GPC5: variants seen among roughly 807,000 people sequenced by gnomAD.
GPC5 encodes glypican-5.
A neutral mutation model predicts 53.9 loss-of-function variants in GPC5; 47 were observed. The ratio of observed to expected loss-of-function variants is 0.87; its 90% CI spans 0.69 to 1.11. The LOEUF is 1.11. GPC5 is among the 50% of genes most tolerant of loss of function. GPC5 has a pLI of 0.00. For missense variants in GPC5, 748 were observed against 713.1 expected (o/e 1.05, Z -0.56); for synonymous variants, 286 against 263.3 (o/e 1.09, Z -0.84).
intron 2 of GPC5, among the ~76,000 whole-genome samples, chr13:91,496,277 G>C (rs1041083226): frequency 6.6e-6 from 1 of 152,082 alleles, no homozygotes; most frequent in Non-Finnish European, 1.5e-5. Flanking sequence ...CCATGGCTAG[G>C]TATATTCACA....
At chr13:92,277,798 G>A (rs138841657) in intron 7 of GPC5, among the ~76,000 whole-genome samples, 341 of 151,966 alleles carry the variant, frequency 2.2e-3, no homozygotes, top group African/African-American at 7.7e-3. Flanking sequence ...ATGTGAAAAA[G>A]TGTTAATTCA....
At chr13:92,549,430 G>A (rs7334188) in intron 7 of GPC5, among the ~76,000 whole-genome samples, 1,552 of 152,092 alleles carry the variant, frequency 0.01, 26 homozygotes, top group African/African-American at 0.036. Context: ...AAAACAAATT[G>A]GGGCCTACCT....
chr13:92,725,961 T>C (rs1888634224), intron 7 of GPC5, among the ~76,000 whole-genome samples: 1 of 151,638 alleles, frequency 6.6e-6, no homozygotes, highest in African/African-American at 2.4e-5. Context: ...TTTCCTGAAA[T>C]GACTGAACTG....
Position 91,657,541 on chromosome 13 carries a change from G to A in GPC5, c.326-35646G>A, listed in dbSNP as rs550278037. On this transcript the variant is annotated intron_variant, in intron 2 of 7. Coordinates refer to ENST00000377067, the MANE Select transcript of GPC5 (RefSeq NM_004466.6). ...CTGTTTAGGATCCTACAGTACACAC[G>A]ACAGCCCTCACAACAAAAAAATTAT... 1.1e-4 allele frequency among the ~76,000 whole-genome samples: 17 copies of A among 152,140 alleles called. No individual in the cohort carries two copies. In the South Asian group the frequency reaches 2.7e-3, roughly 24 times the overall value.
At position 92,132,257 on chromosome 13, in the gene GPC5, A is replaced by G. The variant is rs890547445; in HGVS notation, c.1402-12573A>G. On this transcript the variant is annotated intron_variant, in intron 6 of 7. Transcript: ENST00000377067. ...AGGTGCTCTTGTTTATGATGGTCAC[A>G]TGACTGAGACTATATTGAAAGATTG... 1.1e-4 allele frequency among the ~76,000 whole-genome samples: 16 copies of G among 152,320 alleles called. No homozygotes were observed. In the East Asian group the frequency reaches 1.2e-3, roughly 11 times the overall value.
At chr13:92,041,937 G>T (rs1454060179) in intron 6 of GPC5, among the ~76,000 whole-genome samples, 1 of 152,192 alleles carries the variant, frequency 6.6e-6, no homozygotes, top group African/African-American at 2.4e-5. Context: ...CTGAATCAGA[G>T]TGGAGAAAGT....
At chr13:92,182,273 A>G (rs2042152301) in intron 7 of GPC5, among the ~76,000 whole-genome samples, 1 of 152,216 alleles carries the variant, frequency 6.6e-6, no homozygotes, top group South Asian at 2.1e-4. Context: ...AATGTCACCC[A>G]GAAGCTAGCT....
chr13:91,914,969 A>G (rs1010931931), intron 6 of GPC5, among the ~76,000 whole-genome samples: 4 of 152,140 alleles, frequency 2.6e-5, no homozygotes, highest in Admixed American at 1.3e-4. Context: ...GCTAATTGCA[A>G]ATTCTTTGAC....
chr13:91,484,658 A>T (rs2139229471), intron 2 of GPC5, among the ~76,000 whole-genome samples: 1 of 152,268 alleles, frequency 6.6e-6, no homozygotes, highest in African/African-American at 2.4e-5. Context: ...AGACTGTGGC[A>T]AAGAAGTGAC....
chr13:92,797,952 A>C (rs192420503), intron 7 of GPC5, among the ~76,000 whole-genome samples: 4 of 152,004 alleles, frequency 2.6e-5, no homozygotes, highest in Non-Finnish European at 5.9e-5. Context: ...AGCAGAGTCT[A>C]GAATATGGAA....
chr13:92,348,970 A>C (rs1293374874), intron 7 of GPC5, among the ~76,000 whole-genome samples: 2 of 152,160 alleles, frequency 1.3e-5, no homozygotes, highest in African/African-American at 2.4e-5. Context: ...CCTAAAAAAA[A>C]CCCAGATTTC....
chr13:92,368,541 G>A (rs2043624046), intron 7 of GPC5, among the ~76,000 whole-genome samples: 1 of 149,972 alleles, frequency 6.7e-6, no homozygotes, highest in African/African-American at 2.5e-5. Context: ...CTACTTAGGA[G>A]GCTGAGGCAG....
At chr13:92,606,536 T>C (rs192043132) in intron 7 of GPC5, among the ~76,000 whole-genome samples, 45 of 152,318 alleles carry the variant, frequency 3.0e-4, no homozygotes, top group African/African-American at 8.9e-4. Context: ...TGAATAGTGC[T>C]GCAATAAACA....
At chr13:92,754,193 G>T (rs932733556) in intron 7 of GPC5, among the ~76,000 whole-genome samples, 7 of 152,092 alleles carry the variant, frequency 4.6e-5, no homozygotes, top group Admixed American at 3.9e-4. Context: ...TTAAAGACAA[G>T]AATTTTCAAC....
intron 6 of GPC5, among the ~76,000 whole-genome samples, chr13:91,965,395 A>G (rs1412517494): frequency 1.3e-5 from 2 of 152,272 alleles, no homozygotes; most frequent in African/African-American, 4.8e-5. Context: ...TAAATTGCTC[A>G]TTTATCTGCT....
chr13:91,900,947 C>A (rs2039492067), intron 5 of GPC5, among the ~76,000 whole-genome samples: 1 of 152,036 alleles, frequency 6.6e-6, no homozygotes, highest in Admixed American at 6.6e-5. Context: ...CACGCCTTGC[C>A]AAATCAGGAG....
At chr13:92,213,226 T>C (rs1332204548) in intron 7 of GPC5, among the ~76,000 whole-genome samples, 1 of 152,202 alleles carries the variant, frequency 6.6e-6, no homozygotes, top group Admixed American at 6.5e-5. Flanking sequence ...CTAATGTAAA[T>C]TGTACATTTT....
At chr13:92,214,090 T>C (rs2042393655) in intron 7 of GPC5, among the ~76,000 whole-genome samples, 1 of 152,174 alleles carries the variant, frequency 6.6e-6, no homozygotes, top group Non-Finnish European at 1.5e-5. Context: ...GTAACTGTTT[T>C]ATGGGTTGCA....
chr13:92,402,700 G>A (rs1875614312), intron 7 of GPC5, among the ~76,000 whole-genome samples: 1 of 152,096 alleles, frequency 6.6e-6, no homozygotes, highest in Non-Finnish European at 1.5e-5. Flanking sequence ...TTAGGCTTGT[G>A]GCTTGTTGTT....
Sources: gnomAD v4.1 joint callset for allele counts (sites outside exome capture counted in the v4.1 genomes callset) on GRCh38, gnomAD v4.1.1 for gene constraint, MANE v1.5 for transcripts, NCBI Gene and HGNC (gene_info 2026-07-23, HGNC 2026-07-21) for gene names.